Variants in CA8 observed in about 807,000 individuals in gnomAD.
CA8 encodes the protein carbonic anhydrase 8 (inactive), also known as carbonic anhydrase-related protein.
Under a neutral mutation model 41.4 loss-of-function variants are expected in CA8, and 22 were observed. That is an observed-to-expected ratio of 0.53 (90% confidence interval 0.38 to 0.76). CA8 has a LOEUF of 0.76. Among genes scored for constraint, CA8 ranks in the 30% least tolerant of loss-of-function variants. The probability of loss-of-function intolerance (pLI) is 0.00; values close to 1 mark genes in which losing one functional copy is unlikely to be tolerated. For synonymous variants in CA8, 121 were observed against 130.6 expected, an observed-to-expected ratio of 0.93 and a Z score of 0.50; for missense variants, 270 against 352.8, an observed-to-expected ratio of 0.77 and a Z score of 1.88.
chr8:60,273,883 A>T (rs1804146276), intron 2 of CA8, among the ~76,000 whole-genome samples: 1 of 152,268 alleles, frequency 6.6e-6, no homozygotes, highest in African/African-American at 2.4e-5. Context: ...ATATTAAGGC[A>T]GTAACTCCAG....
chr8:60,278,002 TGGAAGAAGGA>T (rs1470712173), intron 2 of CA8, among the ~76,000 whole-genome samples: 1 of 151,596 alleles, frequency 6.6e-6, no homozygotes, highest in East Asian at 1.9e-4. Context: ...TGGGCAGGGG[TGGAAGAAGGA>T]GGAAGAGAAA....
rs1017503156 is a variant in CA8 at position 60,224,486 on chromosome 8, T to C, written c.625+51A>G. ...TTTACATAGTCTGAAGAAAACAATG[T>C]GACTATAGCCACAGTTAAAATTCAT... is the stretch of plus-strand genomic sequence containing the variant. On this transcript the variant is annotated intron_variant, in intron 6 of 8. Coordinates refer to ENST00000317995, the MANE Select transcript of CA8 (RefSeq NM_004056.6). The C allele has an allele frequency of 4.8e-6, 5 of 1,033,362 alleles. No homozygotes were observed. The African/African-American group carries it at 7.9e-5, about 16-fold the overall frequency. 64.0% of individuals were successfully genotyped at this position (1,033,362 alleles called of 1,614,324 possible). A position where few individuals can be genotyped will look rare whatever the true frequency, so the allele number is the denominator to read the frequency against.
chr8:60,215,463 T>C (rs1806987941), intron 7 of CA8, among the ~76,000 whole-genome samples: 1 of 151,810 alleles, frequency 6.6e-6, no homozygotes, highest in Admixed American at 6.6e-5. Context: ...GGGTTCAGTG[T>C]ATACTGCTTG....
At chr8:60,215,569 A>C (rs1184714545) in intron 7 of CA8, among the ~76,000 whole-genome samples, 1 of 152,176 alleles carries the variant, frequency 6.6e-6, no homozygotes, top group Non-Finnish European at 1.5e-5. Flanking sequence ...GGAAATAAAA[A>C]AATTTTAATA....
In CA8 at chr8:60,187,539, C is replaced by CA. The variant is rs1805998929; in HGVS notation, c.*2481dup. 1 of 151,950 alleles carries CA rather than the reference C, an allele frequency of 6.6e-6. No individual in the cohort carries two copies. Among genetic ancestry groups the CA allele is most frequent in the Admixed American group, 6.6e-5 (1 of 15,242 alleles). The allele number at this position is 151,950 out of a possible 1,614,324, so 9.4% of individuals were successfully genotyped here. A position where few individuals can be genotyped will look rare whatever the true frequency, so the allele number is the denominator to read the frequency against. On this transcript the variant is annotated 3_prime_UTR_variant, in exon 9 of 9. Coordinates refer to ENST00000317995, the MANE Select transcript of CA8 (RefSeq NM_004056.6). ...AATACAAACACAATAGAGAAAACCC[C>CA]AAAATCCACTTTGGCTCCTTGAAAA...
At chr8:60,272,389 CA>C (rs34254518) in intron 2 of CA8, among the ~76,000 whole-genome samples, 464 of 143,662 alleles carry the variant, frequency 3.2e-3, no homozygotes, top group Middle Eastern at 7.3e-3. Context: ...CTTTATCCTA[CA>C]AAAAAAAAAA....
chr8:60,220,856 T>C (rs538714355), intron 7 of CA8, among the ~76,000 whole-genome samples: 1 of 152,292 alleles, frequency 6.6e-6, no homozygotes, highest in East Asian at 1.9e-4. Flanking sequence ...TTTCTACTAC[T>C]GGCCCTCAAA....
intron 4 of CA8, among the ~76,000 whole-genome samples, chr8:60,227,253 A>G (rs961179198): frequency 2.6e-5 from 4 of 152,034 alleles, no homozygotes; most frequent in African/African-American, 9.7e-5. Flanking sequence ...AGATCATGCC[A>G]CTGCACTCCA....
chr8:60,271,085 G>A (rs2130613187), intron 2 of CA8, among the ~76,000 whole-genome samples: 1 of 152,294 alleles, frequency 6.6e-6, no homozygotes, highest in East Asian at 1.9e-4. Flanking sequence ...GCTCACACCT[G>A]TAATCCCGGT....
chr8:60,236,271 C>T (rs10096803), intron 3 of CA8, among the ~76,000 whole-genome samples: 44,271 of 152,078 alleles, frequency 0.29, 6,637 homozygotes, highest in Middle Eastern at 0.34. Flanking sequence ...AATCAGCCTG[C>T]GTTTCCAGCC....
At chr8:60,245,761 C>G (rs966022574) in intron 3 of CA8, among the ~76,000 whole-genome samples, 11 of 152,030 alleles carry the variant, frequency 7.2e-5, no homozygotes, top group Non-Finnish European at 1.3e-4. Flanking sequence ...GTGAGGTTTT[C>G]AAAAAGGTCA....
At chr8:60,257,763 C>T (rs11774872) in intron 3 of CA8, among the ~76,000 whole-genome samples, 77,042 of 152,116 alleles carry the variant, frequency 0.51, 21,548 homozygotes, top group African/African-American at 0.77. Context: ...ACAATGTCTT[C>T]CACATAGTAG....
chr8:60,275,994 C>T (rs10094523), intron 2 of CA8, among the ~76,000 whole-genome samples: 63,645 of 151,992 alleles, frequency 0.42, 13,550 homozygotes, highest in African/African-American at 0.49. Context: ...TCCAGGCTAA[C>T]TCCAATCAAG....
intron 2 of CA8, among the ~76,000 whole-genome samples, chr8:60,271,262 A>G (rs1301083491): frequency 6.6e-6 from 1 of 152,048 alleles, no homozygotes; most frequent in Non-Finnish European, 1.5e-5. Flanking sequence ...AGATTGCTTG[A>G]GCCCAGGACT....
At chr8:60,206,803 T>C (rs1211439892) in intron 8 of CA8, among the ~76,000 whole-genome samples, 2 of 152,144 alleles carry the variant, frequency 1.3e-5, no homozygotes, top group South Asian at 2.1e-4. Context: ...CCTGTGTGCT[T>C]AGGATTTCAT....
At chr8:60,203,018 CA>C (rs144891609) in intron 8 of CA8, among the ~76,000 whole-genome samples, 1 of 149,310 alleles carries the variant, frequency 6.7e-6, no homozygotes, top group Non-Finnish European at 1.5e-5. Context: ...CAGTAGAAAA[CA>C]AAAAAAAATA....
intron 3 of CA8, among the ~76,000 whole-genome samples, chr8:60,249,367 C>A (rs991887672): frequency 6.6e-6 from 1 of 152,182 alleles, no homozygotes; most frequent in Non-Finnish European, 1.5e-5. Flanking sequence ...ATATTTCCTA[C>A]TATTTCTTAG....
chr8:60,265,932 G>A lies in CA8; in HGVS notation c.410C>T (p.Pro137Leu). 6.2e-7 allele frequency: 1 copy of A among 1,613,950 alleles called. No homozygotes were observed. Among genetic ancestry groups the A allele is most frequent in the Non-Finnish European group, 8.5e-7 (1 of 1,179,932 alleles). Residue 137 changes from proline (P) to leucine (L), a missense_variant, in exon 3 of 9, where the codon CCC becomes CTC. This residue lies in a region of CA8 where 141 missense variants were observed against 191.6 expected (regional missense o/e 0.74). Coordinates refer to ENST00000317995, the MANE Select transcript of CA8 (RefSeq NM_004056.6). ...ATGATTTGTTATTCTTACCTCCATG[G>A]GAAAAGCTTTGAAATTAACCGTGTG... ...SEHTVNFKAF[P>L]MELHLIHWNS...
intron 2 of CA8, among the ~76,000 whole-genome samples, chr8:60,273,307 A>C (rs1219002153): frequency 2.0e-5 from 3 of 152,242 alleles, no homozygotes; most frequent in Non-Finnish European, 4.4e-5. Flanking sequence ...GGCGGAGATC[A>C]TAGAACTTTT....
Sources: gnomAD v4.1 joint callset for allele counts (sites outside exome capture counted in the v4.1 genomes callset) on GRCh38, gnomAD v4.1.1 for gene constraint, gnomAD v4.1.1 regional missense constraint, MANE v1.5 for transcripts, NCBI Gene and HGNC (gene_info 2026-07-23, HGNC 2026-07-21) for gene names.